The following TMEM131L variants were observed in gnomAD, a reference collection of about 807,000 sequenced individuals.
The protein encoded by TMEM131L is transmembrane protein 131-like.
TMEM131L carries 54 observed loss-of-function variants against 192.2 expected under a neutral mutation model. That is an observed-to-expected ratio of 0.28 (90% CI 0.23 to 0.35). The LOEUF (loss-of-function observed/expected upper bound fraction) is 0.35, where lower values mean the gene tolerates loss of function less well. TMEM131L is among the 10% of genes least tolerant of loss of function. TMEM131L has a pLI of 1.00. For synonymous variants in TMEM131L, 701 were observed against 704.9 expected, an observed-to-expected ratio of 0.99 and a Z score of 0.09; for missense variants, 1,888 against 1,972.9, an observed-to-expected ratio of 0.96 and a Z score of 0.82.
intron 2 of TMEM131L, 84 bp from the exon 3 acceptor site, chr4:153,473,761 C>A: frequency 8.7e-7 from 1 of 1,149,688 alleles, no homozygotes; most frequent in Non-Finnish European, 1.2e-6. Context: ...CATTGTACTC[C>A]AGCCTGGGTG....
chr4:153,611,435 G>T (rs1450641980), intron 25 of TMEM131L, among the ~76,000 whole-genome samples: 1 of 152,200 alleles, frequency 6.6e-6, no homozygotes, highest in East Asian at 1.9e-4. Flanking sequence ...CTGCCTCTTT[G>T]CCAGCTTAAA....
chr4:153,626,647 C>A (rs932739475), intron 30 of TMEM131L, among the ~76,000 whole-genome samples: 10 of 152,178 alleles, frequency 6.6e-5, no homozygotes, highest in African/African-American at 2.4e-4. Flanking sequence ...GCCTGTATTT[C>A]CAGCTACTCG....
At chr4:153,586,966 A>G (rs535028241) in intron 14 of TMEM131L, among the ~76,000 whole-genome samples, 9 of 152,022 alleles carry the variant, frequency 5.9e-5, no homozygotes, top group African/African-American at 1.9e-4. Context: ...TTTTGCTCCA[A>G]GCTATTTTGT....
At position 153,584,730 on chromosome 4, in the gene TMEM131L, A is replaced by G. The variant is rs373747934; in HGVS notation, c.1061-105A>G. 1.3e-3 allele frequency: 874 copies of G among 665,124 alleles called. 16 individuals carry two copies. In the South Asian group the frequency reaches 0.021, roughly 16 times the overall value. 41.2% of individuals were successfully genotyped at this position (665,124 alleles called of 1,614,324 possible). On this transcript the variant is annotated intron_variant, in intron 11 of 34. Coordinates refer to ENST00000409959, the MANE Select transcript of TMEM131L (RefSeq NM_001131007.2). The stretch of plus-strand genomic sequence containing the variant: ...TGTCTGATTCACTATTTTAATGGAG[A>G]CAGAAAAGTGAATAAAAATTTATAA...
intron 29 of TMEM131L, among the ~76,000 whole-genome samples, chr4:153,623,700 T>A (rs1733616499): frequency 6.6e-6 from 1 of 152,222 alleles, no homozygotes; most frequent in Admixed American, 6.5e-5. Context: ...TCCCTTTTAT[T>A]GCCGGGTAAT....
At chr4:153,552,368 A>T (rs1737689554) in intron 4 of TMEM131L, among the ~76,000 whole-genome samples, 1 of 152,132 alleles carries the variant, frequency 6.6e-6, no homozygotes. Context: ...TAAAATATTT[A>T]CTCTTCAGTA....
chr4:153,567,683 T>C (rs1429430483), intron 7 of TMEM131L, among the ~76,000 whole-genome samples: 1 of 152,132 alleles, frequency 6.6e-6, no homozygotes, highest in Non-Finnish European at 1.5e-5. Flanking sequence ...TAGCTGGGAT[T>C]ACAGGCACGC....
intron 2 of TMEM131L, 22 bp from the exon 3 acceptor site, chr4:153,473,823 A>G (rs959278537): frequency 2.0e-6 from 3 of 1,536,052 alleles, no homozygotes; most frequent in Non-Finnish European, 1.8e-6. Flanking sequence ...AACAACGGTT[A>G]ACACATGTTC....
At chr4:153,556,841 A>T in intron 5 of TMEM131L, 125 bp from the exon 6 acceptor site, 1 of 543,128 alleles carries the variant, frequency 1.8e-6, no homozygotes, top group South Asian at 2.2e-5. Context: ...GGGATTCATA[A>T]TACTGATAAG....
intron 26 of TMEM131L, among the ~76,000 whole-genome samples, chr4:153,619,434 G>A (rs143116401): frequency 1.1e-3 from 161 of 152,302 alleles, no homozygotes; most frequent in African/African-American, 3.6e-3. Context: ...ATAAGGTCCT[G>A]TACAATAGGG....
At chr4:153,588,337 G>GTT (rs35057989) in intron 15 of TMEM131L, among the ~76,000 whole-genome samples, 6,968 of 122,526 alleles carry the variant, frequency 0.057, 632 homozygotes, top group African/African-American at 0.19. Context: ...TTAAAGTATA[G>GTT]TTTTTTTTTT....
At chr4:153,523,485 A>G (rs930762977) in intron 3 of TMEM131L, among the ~76,000 whole-genome samples, 3 of 152,226 alleles carry the variant, frequency 2.0e-5, no homozygotes, top group Non-Finnish European at 4.4e-5. Flanking sequence ...ATTGTTTAGG[A>G]GGAAACTAAA....
intron 7 of TMEM131L, among the ~76,000 whole-genome samples, chr4:153,559,462 A>G (rs1348185799): frequency 6.6e-6 from 1 of 152,180 alleles, no homozygotes; most frequent in Non-Finnish European, 1.5e-5. Flanking sequence ...ATGCCTCATC[A>G]GTGGAGATCT....
At chr4:153,564,282 C>T (rs546899545) in intron 7 of TMEM131L, among the ~76,000 whole-genome samples, 88 of 111,250 alleles carry the variant, frequency 7.9e-4, no homozygotes, top group African/African-American at 3.8e-3. Context: ...AGCAAAACTC[C>T]GTCTCAAAAA....
chr4:153,496,650 C>A (rs1249109466), intron 3 of TMEM131L, among the ~76,000 whole-genome samples: 1 of 152,104 alleles, frequency 6.6e-6, no homozygotes, highest in African/African-American at 2.4e-5. Flanking sequence ...CCCCACCTCT[C>A]AGGCTCAGGT....
At chr4:153,520,639 C>T (rs1453577736) in intron 3 of TMEM131L, among the ~76,000 whole-genome samples, 1 of 152,190 alleles carries the variant, frequency 6.6e-6, no homozygotes, top group African/African-American at 2.4e-5. Flanking sequence ...AATTTGGGGG[C>T]AAAGTTTGAA....
chr4:153,519,174 T>C lies in TMEM131L; in HGVS notation c.240-30899T>C, dbSNP rs142054042. On this transcript the variant is annotated intron_variant, in intron 3 of 34. Coordinates refer to ENST00000409959, the MANE Select transcript of TMEM131L (RefSeq NM_001131007.2). ...AGACCTGCTGGTGAGCTAGGGGGTG[T>C]AGGCTGTGTGGGGTACTTTCTGTTC... Among the ~76,000 whole-genome samples, 5 of 152,198 alleles carry C rather than the reference T, an allele frequency of 3.3e-5. No individual in the cohort carries two copies. The East Asian group carries it at 9.7e-4, about 29-fold the overall frequency.
At chr4:153,495,027 G>A (rs1733067794) in intron 3 of TMEM131L, among the ~76,000 whole-genome samples, 1 of 152,116 alleles carries the variant, frequency 6.6e-6, no homozygotes, top group African/African-American at 2.4e-5. Flanking sequence ...TAGAAAGTTG[G>A]TTTTATGGCC....
At chr4:153,531,779 C>A (rs9998587) in intron 3 of TMEM131L, among the ~76,000 whole-genome samples, 1 of 152,152 alleles carries the variant, frequency 6.6e-6, no homozygotes, top group Admixed American at 6.5e-5. Flanking sequence ...GGAGAACTGG[C>A]GAATTTAGGA....
Sources: gnomAD v4.1 joint callset for allele counts (sites outside exome capture counted in the v4.1 genomes callset) on GRCh38, gnomAD v4.1.1 for gene constraint, MANE v1.5 for transcripts, NCBI Gene and HGNC (gene_info 2026-07-23, HGNC 2026-07-21) for gene names.